Variants in CALN1 observed in about 807,000 individuals in gnomAD.
CALN1 encodes calcium-binding protein 8.
CALN1 carries 17 observed loss-of-function variants against 30.6 expected under a neutral mutation model. The ratio of observed to expected loss-of-function variants is 0.56; its 90% CI spans 0.38 to 0.83. The LOEUF is 0.83. CALN1 is among the 40% of genes least tolerant of loss of function. CALN1 has a pLI of 0.00. For missense variants in CALN1, 291 were observed against 354.9 expected (o/e 0.82, Z 1.45); for synonymous variants, 156 against 131.4 (o/e 1.19, Z -1.28).
intron 5 of CALN1, among the ~76,000 whole-genome samples, chr7:71,924,193 C>CA (rs200454649): frequency 0.16 from 11,937 of 76,728 alleles, 1,353 homozygotes; most frequent in Non-Finnish European, 0.21. Flanking sequence ...AACTCAGTCT[C>CA]AAAAAAAAAA....
At chr7:72,413,294 T>C (rs1807297131), upstream of CALN1, among the ~76,000 whole-genome samples, 2 of 146,900 alleles carry the variant, frequency 1.4e-5, no homozygotes, top group South Asian at 4.3e-4. Context: ...ACACCACATG[T>C]ACACACACAC....
At chr7:72,178,235 G>C (rs1042929031) in intron 3 of CALN1, among the ~76,000 whole-genome samples, 1 of 152,208 alleles carries the variant, frequency 6.6e-6, no homozygotes, top group Non-Finnish European at 1.5e-5. Context: ...CACAAATCCA[G>C]ATGAGACTAA....
rs141135315 is a variant in CALN1, at chr7:71,953,155, G to A, written c.501+70502C>T. 3.1e-3 allele frequency among the ~76,000 whole-genome samples: 472 copies of A among 151,984 alleles called. 3 individuals carry two copies. The highest frequency in any genetic ancestry group is 0.011 in the African/African-American group (436 of 41,450). On this transcript the variant is annotated intron_variant, in intron 5 of 6. Transcript: ENST00000395275. Reference sequence around the variant, plus strand: ...TAATTTTTTGCAGGAACGGGATCTCGTTATGTTGCCCAGGGTGGTCTTGAA... The same window carrying A: ...TAATTTTTTGCAGGAACGGGATCTCATTATGTTGCCCAGGGTGGTCTTGAA...
intron 4 of CALN1, among the ~76,000 whole-genome samples, chr7:72,066,784 T>C (rs2129537605): frequency 6.7e-6 from 1 of 150,196 alleles, no homozygotes; most frequent in Non-Finnish European, 1.5e-5. Flanking sequence ...GCTATTTTAT[T>C]TTATTTTTTT....
chr7:71,953,141 A>G (rs375213943), intron 5 of CALN1, among the ~76,000 whole-genome samples: 67 of 152,102 alleles, frequency 4.4e-4, no homozygotes, highest in African/African-American at 1.6e-3. Context: ...AATTTTTTGC[A>G]GGAACGGGAT....
chr7:71,795,379 C>A (rs1044534045), intron 6 of CALN1, among the ~76,000 whole-genome samples: 2 of 152,128 alleles, frequency 1.3e-5, no homozygotes, highest in African/African-American at 2.4e-5. Context: ...TCTGAGGTTT[C>A]TTCTGAACAC....
intron 4 of CALN1, among the ~76,000 whole-genome samples, chr7:72,034,744 T>C (rs1311374109): frequency 4.5e-5 from 6 of 132,746 alleles, no homozygotes; most frequent in Admixed American, 9.2e-5. Flanking sequence ...GCTGTGATCA[T>C]GCCAATGCAC....
chr7:71,867,101 C>T (rs550798212), intron 5 of CALN1, among the ~76,000 whole-genome samples: 2 of 151,158 alleles, frequency 1.3e-5, no homozygotes, highest in African/African-American at 4.9e-5. Context: ...GCCAAGGTCA[C>T]ACCATTGCAC....
chr7:72,352,570 G>T (rs996101048), intron 2 of CALN1, among the ~76,000 whole-genome samples: 1 of 151,932 alleles, frequency 6.6e-6, no homozygotes, highest in Non-Finnish European at 1.5e-5. Flanking sequence ...TAATCACAAA[G>T]GAAGTTTAAA....
chr7:72,426,937 C>T (rs1263864579), intron 1 of CALN1, among the ~76,000 whole-genome samples: 1 of 152,196 alleles, frequency 6.6e-6, no homozygotes, highest in East Asian at 1.9e-4. Context: ...CCCCCTCCCA[C>T]AGGAGCCCCC....
intron 3 of CALN1, among the ~76,000 whole-genome samples, chr7:72,106,965 G>C (rs967321165): frequency 6.7e-6 from 1 of 150,092 alleles, no homozygotes; most frequent in Non-Finnish European, 1.5e-5. Context: ...AATGAAGAAA[G>C]GGAGAAAGAG....
chr7:71,932,871 T>G lies in CALN1; in HGVS notation c.501+90786A>C, dbSNP rs987026251. On this transcript the variant is annotated intron_variant, in intron 5 of 6. Transcript: ENST00000395275. ...TAGAATCTAGGGGGGTATGGGAAGA[T>G]TTTTATTCTGATACGCTTCTCCCCA... Among the ~76,000 whole-genome samples the G allele has an allele frequency of 7.3e-5, 11 of 151,244 alleles. 1 individual carries two copies. Among genetic ancestry groups the G allele is most frequent in the Non-Finnish European group, 8.8e-5 (6 of 67,902 alleles).
At chr7:72,089,734 G>A (rs1805726591) in intron 4 of CALN1, among the ~76,000 whole-genome samples, 1 of 152,130 alleles carries the variant, frequency 6.6e-6, no homozygotes, top group African/African-American at 2.4e-5. Context: ...CTGATAAAAG[G>A]TGAAATCCAC....
chr7:72,083,034 C>G (rs1166679962), intron 4 of CALN1, among the ~76,000 whole-genome samples: 1 of 151,682 alleles, frequency 6.6e-6, no homozygotes, highest in African/African-American at 2.4e-5. Flanking sequence ...AACCCTGTCT[C>G]TATTAAAAAT....
chr7:72,030,947 T>C (rs1801400262), intron 4 of CALN1, among the ~76,000 whole-genome samples: 1 of 152,124 alleles, frequency 6.6e-6, no homozygotes, highest in East Asian at 1.9e-4. Flanking sequence ...AAGGTCTTGC[T>C]ATGTTGCCCA....
At chr7:72,473,517 T>C in the CALN1 span, among the ~76,000 whole-genome samples, 1 of 152,180 alleles carries the variant, frequency 6.6e-6, no homozygotes, top group Non-Finnish European at 1.5e-5. Context: ...AGAAAGTTAA[T>C]AACATGGTTC....
At chr7:71,870,295 A>T (rs1250933193) in intron 5 of CALN1, among the ~76,000 whole-genome samples, 1 of 152,058 alleles carries the variant, frequency 6.6e-6, no homozygotes, top group Admixed American at 6.6e-5. Context: ...AGGCAGGAGA[A>T]TTCCTTGAAC....
At chr7:72,391,113 A>G (rs1314826771) in intron 2 of CALN1, among the ~76,000 whole-genome samples, 1 of 152,166 alleles carries the variant, frequency 6.6e-6, no homozygotes, top group East Asian at 1.9e-4. Context: ...TGGAGAATTG[A>G]GAGAGGATGG....
chr7:71,901,924 T>C (rs1793871556), intron 5 of CALN1, among the ~76,000 whole-genome samples: 1 of 152,188 alleles, frequency 6.6e-6, no homozygotes, highest in Admixed American at 6.5e-5. Flanking sequence ...ACAATGGGAC[T>C]TAATTATTAC....
Sources: allele counts gnomAD v4.1 joint callset (sites outside exome capture counted in the v4.1 genomes callset), GRCh38; gene constraint gnomAD v4.1.1; transcripts MANE v1.5; gene names NCBI Gene and HGNC (gene_info 2026-07-23, HGNC 2026-07-21).